AMOTL1: variants seen among roughly 807,000 people sequenced by gnomAD.
AMOTL1 encodes angiomotin like 1.
AMOTL1 carries 45 observed loss-of-function variants against 102.9 expected under a neutral mutation model. The ratio of observed to expected loss-of-function variants is 0.44; its 90% CI spans 0.34 to 0.56. The LOEUF (loss-of-function observed/expected upper bound fraction) is 0.56, where lower values mean the gene tolerates loss of function less well. AMOTL1 is among the 20% of genes least tolerant of loss of function. The pLI, the probability that AMOTL1 is intolerant of heterozygous loss-of-function variation, is 0.01. For synonymous variants in AMOTL1, 481 were observed against 484.7 expected, an observed-to-expected ratio of 0.99 and a Z score of 0.10; for missense variants, 1,114 against 1,225.6, an observed-to-expected ratio of 0.91 and a Z score of 1.36.
At position 94,821,623 on chromosome 11, in the gene AMOTL1, C is replaced by T; in HGVS notation, c.1215C>T (p.Val405=). The T allele has an allele frequency of 6.2e-7, 1 of 1,613,822 alleles. No homozygotes were observed. Among genetic ancestry groups the T allele is most frequent in the Non-Finnish European group, 8.5e-7 (1 of 1,179,838 alleles). The change falls in exon 4 of 13, where the codon GTC becomes GTT. Residue 405 remains valine, a synonymous_variant. Coordinates refer to ENST00000433060, the MANE Select transcript of AMOTL1 (RefSeq NM_130847.3). ...CCGCCAGCGGGCCACTGCACTCTGT[C>T]TCCCTGCCGCTTCCACTCCCGATGG... ...TSSASGPLHS[V]SLPLPLPMAL... is the part of the protein sequence containing the mutation.
chr11:94,787,495 C>T (rs907614514), intron 1 of AMOTL1, among the ~76,000 whole-genome samples: 3 of 151,770 alleles, frequency 2.0e-5, no homozygotes, highest in African/African-American at 7.3e-5. Context: ...CGAGACCATC[C>T]TGGCTAACAC....
upstream of AMOTL1, chr11:94,768,310 C>A: frequency 7.3e-7 from 1 of 1,362,084 alleles, no homozygotes; most frequent in South Asian, 1.7e-5. Context: ...CCGGGCGACC[C>A]TCCCCGGCCC....
intron 6 of AMOTL1, among the ~76,000 whole-genome samples, chr11:94,848,048 C>T (rs1299838278): frequency 2.0e-5 from 3 of 152,158 alleles, no homozygotes; most frequent in Non-Finnish European, 4.4e-5. Context: ...TACCTGAGTG[C>T]CCTCCAGAGC....
intron 1 of AMOTL1, among the ~76,000 whole-genome samples, chr11:94,780,275 C>T (rs1466507540): frequency 5.3e-5 from 8 of 152,192 alleles, no homozygotes; most frequent in Admixed American, 4.6e-4. Flanking sequence ...GTTTCTGATA[C>T]CTTCTCCAGG....
At chr11:94,819,724 G>T (rs942268131) in intron 3 of AMOTL1, among the ~76,000 whole-genome samples, 5 of 152,188 alleles carry the variant, frequency 3.3e-5, no homozygotes, top group African/African-American at 1.2e-4. Context: ...TTGGGTAGAT[G>T]TGGTCATGAC....
At chr11:94,833,952 A>T (rs1181905636) in intron 6 of AMOTL1, among the ~76,000 whole-genome samples, 1 of 152,180 alleles carries the variant, frequency 6.6e-6, no homozygotes. Flanking sequence ...TAATGACTTA[A>T]GGTTTGAACA....
At chr11:94,813,490 A>ATC (rs1951716372) in intron 3 of AMOTL1, among the ~76,000 whole-genome samples, 1 of 152,202 alleles carries the variant, frequency 6.6e-6, no homozygotes, top group African/African-American at 2.4e-5. Context: ...TTTATTCCAT[A>ATC]AGTGACTTCA....
At chr11:94,725,128 T>C (rs1421833283) in intron 1 of AMOTL1, among the ~76,000 whole-genome samples, 1 of 152,142 alleles carries the variant, frequency 6.6e-6, no homozygotes, top group Non-Finnish European at 1.5e-5. Context: ...ATCCTGTGGA[T>C]AATCAAGCAT....
At chr11:94,764,015 A>G (rs925397824), upstream of AMOTL1, among the ~76,000 whole-genome samples, 1 of 152,240 alleles carries the variant, frequency 6.6e-6, no homozygotes, top group Admixed American at 6.5e-5. Context: ...AAATTAAAAG[A>G]AAAGGTGTTT....
rs374057428 is a variant in AMOTL1 at position 94,869,498 on chromosome 11, G to A, written c.2764+25G>A. Reference sequence around the variant, plus strand: ...GGTATGTGGGCTACCCCACCTTGATGCCCCTGAAAACTGTGGAACTGTCTG... The same window carrying A: ...GGTATGTGGGCTACCCCACCTTGATACCCCTGAAAACTGTGGAACTGTCTG... On this transcript the variant is annotated intron_variant, in intron 12 of 12. Transcript: ENST00000433060. The A allele has an allele frequency of 1.3e-5, 20 of 1,567,476 alleles. No homozygotes were observed. In the African/African-American group the frequency reaches 2.3e-4, roughly 18 times the overall value.
chr11:94,791,555 A>G (rs60199624), intron 1 of AMOTL1, among the ~76,000 whole-genome samples: 6,095 of 152,300 alleles, frequency 0.04, 398 homozygotes, highest in African/African-American at 0.14. Context: ...TGAAGCCCCT[A>G]CAGGCAGCTA....
chr11:94,801,598 A>T (rs1951479613), intron 3 of AMOTL1, among the ~76,000 whole-genome samples: 1 of 152,126 alleles, frequency 6.6e-6, no homozygotes, highest in African/African-American at 2.4e-5. Flanking sequence ...AGTAGTCCAG[A>T]TCAGAATTGG....
chr11:94,782,024 GA>G (rs1951122816), intron 1 of AMOTL1, among the ~76,000 whole-genome samples: 1 of 152,086 alleles, frequency 6.6e-6, no homozygotes, highest in South Asian at 2.1e-4. Context: ...CTCAAACCTT[GA>G]GTATGTCTTT....
chr11:94,835,247 C>G (rs1952154057), intron 6 of AMOTL1, among the ~76,000 whole-genome samples: 2 of 152,216 alleles, frequency 1.3e-5, no homozygotes, highest in South Asian at 4.1e-4. Context: ...ACCAGGGCCT[C>G]TAGCCAACTC....
chr11:94,711,321 T>C lies in AMOTL1; in HGVS notation c.-51+4724T>C, dbSNP rs144963896. Reference sequence around the variant, plus strand: ...AAAAACATTATGAAATATTTATAGATTCATGAGTCTATGAGTGCCCCCCTT... The same window carrying C: ...AAAAACATTATGAAATATTTATAGACTCATGAGTCTATGAGTGCCCCCCTT... On this transcript the variant is annotated intron_variant, in intron 1 of 4. Transcript: ENST00000299004. 6.2e-4 allele frequency among the ~76,000 whole-genome samples: 95 copies of C among 152,284 alleles called. 2 individuals carry two copies. Among genetic ancestry groups the C allele is most frequent in the African/African-American group, 1.9e-3 (79 of 41,564 alleles).
At chr11:94,821,938 T>A (rs2135631527) in intron 4 of AMOTL1, 117 bp downstream of exon 4, 1 of 1,333,272 alleles carries the variant, frequency 7.5e-7, no homozygotes, top group East Asian at 2.3e-5. Flanking sequence ...CTAGGCCCTG[T>A]GCAAGGCTTT....
chr11:94,813,235 C>T (rs1255972030), intron 3 of AMOTL1, among the ~76,000 whole-genome samples: 1 of 152,214 alleles, frequency 6.6e-6, no homozygotes, highest in Non-Finnish European at 1.5e-5. Flanking sequence ...CTTCAGCCCT[C>T]CCTACATGGA....
intron 9 of AMOTL1, among the ~76,000 whole-genome samples, chr11:94,861,329 T>C (rs758984096): frequency 2.0e-5 from 3 of 150,270 alleles, no homozygotes; most frequent in Non-Finnish European, 3.0e-5. Flanking sequence ...ATTGAAATGG[T>C]TTTTTTTTCA....
At chr11:94,726,820 G>A (rs1374105752) in intron 1 of AMOTL1, among the ~76,000 whole-genome samples, 1 of 152,142 alleles carries the variant, frequency 6.6e-6, no homozygotes, top group Non-Finnish European at 1.5e-5. Context: ...GGAGGTGTTG[G>A]AATTTCAGTA....
Sources: gnomAD v4.1 joint callset for allele counts (sites outside exome capture counted in the v4.1 genomes callset) on GRCh38, gnomAD v4.1.1 for gene constraint, MANE v1.5 for transcripts, NCBI Gene and HGNC (gene_info 2026-07-23, HGNC 2026-07-21) for gene names.